SYT1: variants seen among roughly 807,000 people sequenced by gnomAD.
SYT1 encodes synaptotagmin 1, also known as synaptotagmin-1.
In SYT1, 8 loss-of-function variants were observed where a neutral mutation model predicts 44.8. The ratio of observed to expected loss-of-function variants is 0.18; its 90% CI spans 0.10 to 0.32. The LOEUF is 0.32. Ranked by LOEUF, SYT1 falls within the 10% of genes least tolerant of loss-of-function variation. SYT1 has a pLI of 1.00. For synonymous variants in SYT1, 154 were observed against 188.8 expected (o/e 0.82, Z 1.51); for missense variants, 286 against 509.3 (o/e 0.56, Z 4.22).
At chr12:79,126,008 G>A (rs1247562342) in intron 3 of SYT1, among the ~76,000 whole-genome samples, 1 of 152,064 alleles carries the variant, frequency 6.6e-6, no homozygotes, top group Non-Finnish European at 1.5e-5. Context: ...ATGAGACCAT[G>A]GATTTTCTTT....
chr12:79,055,635 A>T (rs1874875762), intron 3 of SYT1, among the ~76,000 whole-genome samples: 1 of 151,972 alleles, frequency 6.6e-6, no homozygotes, highest in Non-Finnish European at 1.5e-5. Context: ...AGGAAAACAA[A>T]ATAAGCTGCC....
intron 2 of SYT1, among the ~76,000 whole-genome samples, chr12:79,034,814 G>C (rs1873025719): frequency 6.6e-6 from 1 of 151,668 alleles, no homozygotes; most frequent in Non-Finnish European, 1.5e-5. Context: ...TTTTTAAAAA[G>C]TTTTATTCTA....
intron 3 of SYT1, among the ~76,000 whole-genome samples, chr12:79,066,328 A>G (rs1875848751): frequency 6.6e-6 from 1 of 152,196 alleles, no homozygotes. Context: ...ACAGCTGCCT[A>G]TGAACTGGAC....
Position 79,043,771 on chromosome 12 carries a change from T to C in SYT1, c.-83-3526T>C, listed in dbSNP as rs373042426. Among the ~76,000 whole-genome samples the C allele has an allele frequency of 3.0e-4, 46 of 152,360 alleles. No individual in the cohort carries two copies. The South Asian group carries it at 7.7e-3, about 25-fold the overall frequency. ...ATTTTGCAGCGGCTGGTGCCAGTTGTTCCTTTCCATGTTTAGCACTTCCTT... is the reference window on the plus strand; with the variant it reads ...ATTTTGCAGCGGCTGGTGCCAGTTGCTCCTTTCCATGTTTAGCACTTCCTT... On this transcript the variant is annotated intron_variant, in intron 2 of 10. Transcript: ENST00000261205.
intron 3 of SYT1, among the ~76,000 whole-genome samples, chr12:79,199,996 AT>A (rs757688286): frequency 2.0e-4 from 31 of 151,798 alleles, no homozygotes; most frequent in Middle Eastern, 3.4e-3. Context: ...GGTAGCATAA[AT>A]TTTTTTTTAT....
intron 2 of SYT1, among the ~76,000 whole-genome samples, chr12:78,980,261 C>G (rs1490776038): frequency 1.3e-5 from 2 of 152,126 alleles, no homozygotes; most frequent in Non-Finnish European, 2.9e-5. Context: ...CAGCAAAAAT[C>G]TACATTAGTT....
intron 9 of SYT1, among the ~76,000 whole-genome samples, chr12:79,432,210 C>CTT (rs1007402484): frequency 6.3e-4 from 92 of 145,330 alleles, no homozygotes; most frequent in African/African-American, 2.1e-3. Flanking sequence ...GTCATTTTTT[C>CTT]TTTTTTTTTT....
intron 1 of SYT1, among the ~76,000 whole-genome samples, chr12:78,927,059 A>G (rs1877340887): frequency 6.6e-6 from 1 of 152,080 alleles, no homozygotes; most frequent in Non-Finnish European, 1.5e-5. Flanking sequence ...CTTCTTTCAC[A>G]TTTCTGAGGT....
chr12:79,000,337 AGCGTGGAGTGCAATGG>A (rs1870657747), intron 2 of SYT1, among the ~76,000 whole-genome samples: 1 of 127,104 alleles, frequency 7.9e-6, no homozygotes, highest in Non-Finnish European at 1.6e-5. Context: ...CTAGTTGCCC[AGCGTGGAGTGCAATGG>A]CACAATCTCA....
chr12:79,330,700 A>T (rs905771112), intron 8 of SYT1, among the ~76,000 whole-genome samples: 1 of 152,220 alleles, frequency 6.6e-6, no homozygotes, highest in African/African-American at 2.4e-5. Flanking sequence ...AGCACTTAGT[A>T]TATGCCAGGT....
At chr12:79,185,967 A>G (rs1872778859) in intron 3 of SYT1, among the ~76,000 whole-genome samples, 2 of 152,000 alleles carry the variant, frequency 1.3e-5, no homozygotes, top group Non-Finnish European at 2.9e-5. Flanking sequence ...TTAATTCTCA[A>G]AAATAGTTCA....
At chr12:79,231,516 C>T (rs1875867770) in intron 4 of SYT1, among the ~76,000 whole-genome samples, 1 of 151,628 alleles carries the variant, frequency 6.6e-6, no homozygotes, top group Non-Finnish European at 1.5e-5. Context: ...TAATAGTAGA[C>T]AACGAATAAT....
intron 3 of SYT1, among the ~76,000 whole-genome samples, chr12:79,179,223 G>T (rs62647616): frequency 1.9e-3 from 35 of 18,328 alleles, no homozygotes; most frequent in East Asian, 0.015. Context: ...TAGATATATA[G>T]ATATAGATAT....
intron 3 of SYT1, among the ~76,000 whole-genome samples, chr12:79,113,581 AT>A (rs569220762): frequency 9.2e-5 from 14 of 152,166 alleles, no homozygotes; most frequent in Non-Finnish European, 1.8e-4. Context: ...CTACCTAAAA[AT>A]AAAACCTATT....
intron 1 of SYT1, among the ~76,000 whole-genome samples, chr12:78,956,035 T>C (rs1323167436): frequency 6.6e-6 from 1 of 151,958 alleles, no homozygotes; most frequent in Non-Finnish European, 1.5e-5. Context: ...GAAACTTCTA[T>C]AATATGAAAA....
At chr12:79,181,516 T>C (rs1872543792) in intron 3 of SYT1, among the ~76,000 whole-genome samples, 1 of 152,034 alleles carries the variant, frequency 6.6e-6, no homozygotes, top group African/African-American at 2.4e-5. Context: ...CCCTTTTTTT[T>C]CTTCCAGGGC....
At chr12:79,229,186 A>G (rs1425596070) in intron 4 of SYT1, among the ~76,000 whole-genome samples, 1 of 152,228 alleles carries the variant, frequency 6.6e-6, no homozygotes, top group East Asian at 1.9e-4. Context: ...TGTCCTTCCA[A>G]TACATGGGGC....
intron 9 of SYT1, among the ~76,000 whole-genome samples, chr12:79,357,552 T>C (rs895381549): frequency 1.3e-5 from 2 of 152,210 alleles, no homozygotes; most frequent in African/African-American, 4.8e-5. Context: ...ATTGTATTTG[T>C]GTATCTAAAC....
intron 1 of SYT1, among the ~76,000 whole-genome samples, chr12:78,908,597 A>G (rs1214347628): frequency 6.6e-6 from 1 of 151,894 alleles, no homozygotes. Flanking sequence ...TAAAGCCAAG[A>G]TATTTTCCCC....
Sources: gnomAD v4.1 joint callset for allele counts (sites outside exome capture counted in the v4.1 genomes callset) on GRCh38, gnomAD v4.1.1 for gene constraint, MANE v1.5 for transcripts, NCBI Gene and HGNC (gene_info 2026-07-23, HGNC 2026-07-21) for gene names.